NFXL1: variants seen among roughly 807,000 people sequenced by gnomAD.
The protein encoded by NFXL1 is nuclear transcription factor, X-box binding like 1, also known as NF-X1-type zinc finger protein NFXL1.
In NFXL1, 66 loss-of-function variants were observed where a neutral mutation model predicts 123.3. The observed-to-expected ratio is 0.54, with a 90% CI of 0.44 to 0.66. The LOEUF (loss-of-function observed/expected upper bound fraction) is 0.66, where lower values mean the gene tolerates loss of function less well. NFXL1 is among the 30% of genes least tolerant of loss of function. The pLI is 0.00. For synonymous variants in NFXL1, 346 were observed against 360.8 expected, an observed-to-expected ratio of 0.96 and a Z score of 0.46; for missense variants, 944 against 1,125.6, an observed-to-expected ratio of 0.84 and a Z score of 2.31.
chr4:47,907,525 C>T (rs551620402), intron 3 of NFXL1, among the ~76,000 whole-genome samples: 1 of 152,298 alleles, frequency 6.6e-6, no homozygotes, highest in Non-Finnish European at 1.5e-5. Flanking sequence ...AAATGAACTC[C>T]TTTGGTAAAG....
chr4:47,851,947 A>G lies in NFXL1; in HGVS notation c.2422-5T>C. 1 of 1,597,502 alleles carries G rather than the reference A, an allele frequency of 6.3e-7. No homozygotes were observed. Among genetic ancestry groups the G allele is most frequent in the Non-Finnish European group, 8.6e-7 (1 of 1,166,754 alleles). ...TACTTTGTTGCACTGCAATTCCTAC[A>G]AACAACCCGATTTTCAAATTTTAAA... On this transcript the variant is annotated splice_region_variant and splice_polypyrimidine_tract_variant and intron_variant, in intron 20 of 22. Transcript: ENST00000507489.
chr4:47,899,159 A>AT (rs1553926365), intron 6 of NFXL1, 39 bp from the exon 7 acceptor site: 1 of 1,162,988 alleles, frequency 8.6e-7, no homozygotes, highest in African/African-American at 1.6e-5. Flanking sequence ...AAAAAAAAAA[A>AT]ATCTAAAGTC....
At chr4:47,912,871 G>C (rs1737906798) in intron 2 of NFXL1, among the ~76,000 whole-genome samples, 1 of 149,748 alleles carries the variant, frequency 6.7e-6, no homozygotes, top group Non-Finnish European at 1.5e-5. Flanking sequence ...ACATTAGCCA[G>C]GCGTGGTGGC....
chr4:47,913,194 G>C (rs1258154219), intron 2 of NFXL1, among the ~76,000 whole-genome samples: 1 of 152,082 alleles, frequency 6.6e-6, no homozygotes, highest in Non-Finnish European at 1.5e-5. Context: ...AATGTATCCT[G>C]AAATGCATTC....
Position 47,913,990 on chromosome 4 carries a change from G to C in NFXL1, c.214C>G (p.Leu72Val). 1 of 1,547,586 alleles carries C rather than the reference G, an allele frequency of 6.5e-7. No homozygotes were observed. The highest frequency in any genetic ancestry group is 8.7e-7 in the Non-Finnish European group (1 of 1,146,420). The stretch of plus-strand genomic sequence containing the variant: ...TCACCGCTGGCTGCGGTAGTCTGCA[G>C]GGCTTGGGATCCTGCGGGGCTGTGC... ...SRHSPAGSQA[L>V]QTTAASELMS... The change falls in exon 2 of 23, where the codon CTG becomes GTG. Residue 72 changes from leucine (L) to valine (V), a missense_variant. Leu to Val is a conservative substitution (Grantham distance 32). Transcript: ENST00000507489.
chr4:47,900,540 G>C (rs993576516), intron 5 of NFXL1, among the ~76,000 whole-genome samples: 3 of 152,136 alleles, frequency 2.0e-5, no homozygotes, highest in African/African-American at 7.2e-5. Context: ...ATGTGCCTAA[G>C]TCAAAGAAAA....
intron 18 of NFXL1, among the ~76,000 whole-genome samples, chr4:47,872,227 G>C (rs1735481735): frequency 6.6e-6 from 1 of 152,156 alleles, no homozygotes; most frequent in Admixed American, 6.5e-5. Flanking sequence ...ACTTTGGGAG[G>C]CCAAGGTGGG....
At chr4:47,913,179 A>C (rs543179989) in intron 2 of NFXL1, among the ~76,000 whole-genome samples, 9 of 152,222 alleles carry the variant, frequency 5.9e-5, no homozygotes, top group East Asian at 1.9e-4. Flanking sequence ...CACACCCCCC[A>C]AAAAAATGTA....
intron 18 of NFXL1, among the ~76,000 whole-genome samples, chr4:47,865,446 G>A (rs1364754251): frequency 1.4e-5 from 2 of 145,686 alleles, no homozygotes; most frequent in Non-Finnish European, 3.0e-5. Flanking sequence ...AGCACAACTA[G>A]AAGACACAAA....
chr4:47,847,453 A>G lies in NFXL1; in HGVS notation c.*710T>C, dbSNP rs867379849. On this transcript the variant is annotated 3_prime_UTR_variant, in exon 23 of 23. Transcript: ENST00000507489. The stretch of plus-strand genomic sequence containing the variant: ...ACCTCATAAGCCCTGTTGTCAGCAC[A>G]TATTCTTCATAAATACTCATCTTCC... The G allele has an allele frequency of 6.6e-6, 1 of 152,214 alleles. No individual in the cohort carries two copies. Among genetic ancestry groups the G allele is most frequent in the South Asian group, 2.1e-4 (1 of 4,832 alleles). The allele number at this position is 152,214 out of a possible 1,614,324, so 9.4% of individuals were successfully genotyped here. A position where few individuals can be genotyped will look rare whatever the true frequency, so the allele number is the denominator to read the frequency against.
Position 47,847,375 on chromosome 4 carries a change from A to G in NFXL1, c.*788T>C, listed in dbSNP as rs181249493. 37 of 152,340 alleles carry G rather than the reference A, an allele frequency of 2.4e-4. No individual in the cohort carries two copies. The East Asian group carries it at 6.7e-3, about 28-fold the overall frequency. The allele number at this position is 152,340 out of a possible 1,614,324, so 9.4% of individuals were successfully genotyped here. On this transcript the variant is annotated 3_prime_UTR_variant, in exon 23 of 23. Coordinates refer to ENST00000507489, the MANE Select transcript of NFXL1 (RefSeq NM_001278624.2). ...GTTTTCATAAGAACTGATTATTTTCAGCTGAAATCTATTTAAGATTGTGGT... is the reference window on the plus strand; with the variant it reads ...GTTTTCATAAGAACTGATTATTTTCGGCTGAAATCTATTTAAGATTGTGGT...
intron 22 of NFXL1, among the ~76,000 whole-genome samples, chr4:47,849,283 G>A (rs1733983203): frequency 6.6e-6 from 1 of 152,030 alleles, no homozygotes; most frequent in Non-Finnish European, 1.5e-5. Context: ...ACTAAAAGAC[G>A]ATAACTGAAT....
chr4:47,899,548 A>C lies in NFXL1; in HGVS notation c.648T>G (p.Cys216Trp). 6.3e-7 allele frequency: 1 copy of C among 1,599,692 alleles called. No homozygotes were observed. Among genetic ancestry groups the C allele is most frequent in the Non-Finnish European group, 8.6e-7 (1 of 1,168,532 alleles). The change falls in exon 6 of 23, where the codon TGT (cysteine) becomes TGG (tryptophan). Residue 216 changes from cysteine to tryptophan, a missense_variant and splice_region_variant. By Grantham distance (215) the Cys-to-Trp change is radical. Coordinates refer to ENST00000507489, the MANE Select transcript of NFXL1 (RefSeq NM_001278624.2). ...DFGKKDCPWP[C>W]PKCRFEYKRS... ...GTTTGTATTCAAACCTACATTTTGGACTACAAAGAAGAAGAAAATTATTAA... is the reference window on the plus strand; with the variant it reads ...GTTTGTATTCAAACCTACATTTTGGCCTACAAAGAAGAAGAAAATTATTAA...
At chr4:47,869,944 A>C (rs1343246608) in intron 18 of NFXL1, among the ~76,000 whole-genome samples, 1 of 152,128 alleles carries the variant, frequency 6.6e-6, no homozygotes, top group Non-Finnish European at 1.5e-5. Context: ...AAATACAAAT[A>C]AATTTGAAAA....
intron 4 of NFXL1, among the ~76,000 whole-genome samples, chr4:47,904,925 G>C (rs904518145): frequency 3.6e-5 from 5 of 139,952 alleles, no homozygotes; most frequent in African/African-American, 5.2e-5. Context: ...ATAAAATATA[G>C]TACATTTAAC....
chr4:47,907,533 A>G (rs929300292), intron 3 of NFXL1, among the ~76,000 whole-genome samples: 4 of 152,232 alleles, frequency 2.6e-5, no homozygotes, highest in Admixed American at 1.3e-4. Flanking sequence ...TCCTTTGGTA[A>G]AGTCCTGGTC....
chr4:47,863,320 T>C (rs1734868044), intron 18 of NFXL1, among the ~76,000 whole-genome samples: 1 of 152,216 alleles, frequency 6.6e-6, no homozygotes, highest in South Asian at 2.1e-4. Flanking sequence ...TTGAGGAATT[T>C]AGGCTATTTG....
intron 18 of NFXL1, 33 bp from the exon 19 acceptor site, chr4:47,862,948 A>G (rs373868736): frequency 8.4e-7 from 1 of 1,193,876 alleles, no homozygotes; most frequent in Non-Finnish European, 1.2e-6. Context: ...CATTCAAACA[A>G]AAATCCATTT....
intron 4 of NFXL1, among the ~76,000 whole-genome samples, 163 bp downstream of exon 4, chr4:47,905,074 T>C (rs1330953429): frequency 2.0e-5 from 3 of 152,346 alleles, no homozygotes; most frequent in South Asian, 4.1e-4. Flanking sequence ...GTAATTTTTT[T>C]TTAATTACAG....
Sources: allele counts gnomAD v4.1 joint callset (sites outside exome capture counted in the v4.1 genomes callset), GRCh38; gene constraint gnomAD v4.1.1; transcripts MANE v1.5; gene names NCBI Gene and HGNC (gene_info 2026-07-23, HGNC 2026-07-21).